Variants in UAP1 observed in about 807,000 individuals in gnomAD.
UAP1 encodes UDP-N-acetylhexosamine pyrophosphorylase.
In UAP1, 25 loss-of-function variants were observed where a neutral mutation model predicts 58.5. That is an observed-to-expected ratio of 0.43 (90% CI 0.31 to 0.60). The LOEUF is 0.60. Ranked by LOEUF, UAP1 falls within the 20% of genes least tolerant of loss-of-function variation. The probability of loss-of-function intolerance (pLI) is 0.11; values close to 1 mark genes in which losing one functional copy is unlikely to be tolerated. For missense variants in UAP1, 575 were observed against 630.0 expected (o/e 0.91, Z 0.93); for synonymous variants, 208 against 213.0 (o/e 0.98, Z 0.21).
intron 5 of UAP1, among the ~76,000 whole-genome samples, chr1:162,584,964 T>C (rs1654816040): frequency 6.6e-6 from 1 of 152,206 alleles, no homozygotes; most frequent in Admixed American, 6.5e-5. Flanking sequence ...TAAAGTGTTA[T>C]TTTGGACTCA....
intron 5 of UAP1, among the ~76,000 whole-genome samples, chr1:162,586,839 A>C (rs1445206284): frequency 1.3e-5 from 2 of 152,344 alleles, no homozygotes; most frequent in East Asian, 3.9e-4. Context: ...TGAAGTATAG[A>C]ATCACTTATT....
At chr1:162,581,568 AT>A in intron 5 of UAP1, 109 bp downstream of exon 5, 1 of 1,189,194 alleles carries the variant, frequency 8.4e-7, no homozygotes. Context: ...TTTTAGAACC[AT>A]TTATCTCTCT....
chr1:162,579,518 C>G, exon 4 of UAP1: 2 of 1,611,384 alleles, frequency 1.2e-6, no homozygotes, highest in Non-Finnish European at 8.5e-7. Context: ...AGAATGTAAT[C>G]TTTTTTCAGC....
chr1:162,597,943 C>A, intron 10 of UAP1, 85 bp downstream of exon 10: 1 of 1,239,364 alleles, frequency 8.1e-7, no homozygotes, highest in Non-Finnish European at 1.1e-6. Flanking sequence ...TAAATGTTCT[C>A]ACCATAAAGA....
intron 1 of UAP1, chr1:162,562,382 TTTTTC>T (rs1378858590): frequency 6.6e-5 from 10 of 151,808 alleles, no homozygotes; most frequent in African/African-American, 2.4e-4. Context: ...GCTTGCCACT[TTTTTC>T]TTTCTTTTTT....
intron 5 of UAP1, among the ~76,000 whole-genome samples, chr1:162,585,473 G>A (rs1046049074): frequency 2.0e-5 from 3 of 151,812 alleles, no homozygotes; most frequent in African/African-American, 7.3e-5. Context: ...TGTTGGCCAG[G>A]CTGGTCTTGA....
exon 8 of UAP1, chr1:162,590,326 G>C (rs1329268013): frequency 6.2e-7 from 1 of 1,610,098 alleles, no homozygotes; most frequent in Non-Finnish European, 8.5e-7. Context: ...GCTCTAGGAA[G>C]TTTGTGGTAT....
At chr1:162,583,802 G>A (rs1419271339) in intron 5 of UAP1, among the ~76,000 whole-genome samples, 1 of 151,836 alleles carries the variant, frequency 6.6e-6, no homozygotes, top group African/African-American at 2.4e-5. Context: ...TAATTTTTCT[G>A]GGTCTTTTTG....
At chr1:162,576,714 G>A in intron 2 of UAP1, 63 bp from the exon 3 acceptor site, 1 of 1,438,664 alleles carries the variant, frequency 7.0e-7, no homozygotes, top group Non-Finnish European at 9.7e-7. Context: ...TGCTACCTAT[G>A]TATATTTAAT....
At chr1:162,600,733 A>G (rs1430197381), downstream of UAP1, among the ~76,000 whole-genome samples, 1 of 149,636 alleles carries the variant, frequency 6.7e-6, no homozygotes, top group Non-Finnish European at 1.5e-5. Context: ...TCATTCATTT[A>G]GCATATTTTC....
At chr1:162,600,788 CCA>C (rs994825094), downstream of UAP1, among the ~76,000 whole-genome samples, 8 of 151,472 alleles carry the variant, frequency 5.3e-5, no homozygotes, top group African/African-American at 1.9e-4. Flanking sequence ...GTTATCTATT[CCA>C]GTTTTCAAAA....
At chr1:162,580,976 C>G (rs1654550059) in intron 4 of UAP1, among the ~76,000 whole-genome samples, 1 of 151,938 alleles carries the variant, frequency 6.6e-6, no homozygotes. Flanking sequence ...TAATCATTGC[C>G]TGATAAAGGA....
chr1:162,579,868 T>C (rs1654475050), intron 4 of UAP1, among the ~76,000 whole-genome samples: 1 of 152,144 alleles, frequency 6.6e-6, no homozygotes, highest in African/African-American at 2.4e-5. Flanking sequence ...TTATTTTTTA[T>C]TTTTTACAAT....
chr1:162,563,135 G>C (rs1458181938), intron 1 of UAP1, among the ~76,000 whole-genome samples: 1 of 152,100 alleles, frequency 6.6e-6, no homozygotes, highest in Non-Finnish European at 1.5e-5. Context: ...GTTAATTGCT[G>C]CTTACCATTA....
chr1:162,589,625 G>A (rs1286166195), intron 7 of UAP1, among the ~76,000 whole-genome samples: 1 of 152,100 alleles, frequency 6.6e-6, no homozygotes. Context: ...CACATTTGAT[G>A]TTGAGATGCT....
At chr1:162,572,574 C>T (rs1425079649) in intron 2 of UAP1, among the ~76,000 whole-genome samples, 1 of 152,104 alleles carries the variant, frequency 6.6e-6, no homozygotes, top group Non-Finnish European at 1.5e-5. Flanking sequence ...AGTAAAACAA[C>T]TTAAAACACA....
intron 1 of UAP1, chr1:162,562,602 A>G (rs1196449221): frequency 6.6e-6 from 1 of 152,106 alleles, no homozygotes; most frequent in East Asian, 1.9e-4. Context: ...GATTATGATC[A>G]TATGTGTGTG....
chr1:162,577,104 A>G (rs1390915969), intron 3 of UAP1, 123 bp downstream of exon 3: 1 of 916,702 alleles, frequency 1.1e-6, no homozygotes, highest in Non-Finnish European at 1.6e-6. Flanking sequence ...CTTGGGAGGT[A>G]TAATTTACTA....
chr1:162,579,366 A>G (rs978191964), intron 3 of UAP1, 62 bp from the exon 4 acceptor site: 5 of 1,227,398 alleles, frequency 4.1e-6, no homozygotes, highest in Admixed American at 2.9e-5. Context: ...AATAGACGAA[A>G]CTTTATTTTG....
Sources: gnomAD v4.1 joint callset for allele counts (sites outside exome capture counted in the v4.1 genomes callset) on GRCh38, gnomAD v4.1.1 for gene constraint, MANE v1.5 for transcripts, NCBI Gene and HGNC (gene_info 2026-07-23, HGNC 2026-07-21) for gene names.